ST6GALNAC3: variants seen among roughly 807,000 people sequenced by gnomAD.
ST6GALNAC3 encodes the protein ST6 N-acetylgalactosaminide alpha-2,6-sialyltransferase 3, also known as alpha-N-acetylgalactosaminide alpha-2,6-sialyltransferase 3.
A neutral mutation model predicts 32.7 loss-of-function variants in ST6GALNAC3; 25 were observed. The observed-to-expected ratio is 0.76, with a 90% CI of 0.56 to 1.07. The LOEUF is 1.07. Ranked by LOEUF, ST6GALNAC3 falls within the 50% of genes least tolerant of loss-of-function variation. The probability of loss-of-function intolerance (pLI) is 0.00; values close to 1 mark genes in which losing one functional copy is unlikely to be tolerated. For synonymous variants in ST6GALNAC3, 129 were observed against 133.1 expected, an observed-to-expected ratio of 0.97 and a Z score of 0.21; for missense variants, 355 against 382.4, an observed-to-expected ratio of 0.93 and a Z score of 0.60.
chr1:76,250,509 A>G (rs990608258), intron 1 of ST6GALNAC3, among the ~76,000 whole-genome samples: 25 of 152,318 alleles, frequency 1.6e-4, no homozygotes, highest in Non-Finnish European at 1.5e-4. Context: ...GCGTTAATCC[A>G]TGGAAAGTAA....
intron 2 of ST6GALNAC3, among the ~76,000 whole-genome samples, chr1:76,375,729 C>A (rs1651170852): frequency 6.6e-6 from 1 of 152,096 alleles, no homozygotes; most frequent in Non-Finnish European, 1.5e-5. Context: ...AATCAAATGT[C>A]TATTTTTTGT....
intron 1 of ST6GALNAC3, among the ~76,000 whole-genome samples, chr1:76,214,786 A>C (rs1399223977): frequency 6.6e-6 from 1 of 152,204 alleles, no homozygotes; most frequent in Non-Finnish European, 1.5e-5. Context: ...CATTGAAGAA[A>C]TGGTTACTGG....
chr1:76,426,146 C>G (rs1357561598), intron 3 of ST6GALNAC3, among the ~76,000 whole-genome samples: 3 of 151,782 alleles, frequency 2.0e-5, no homozygotes, highest in East Asian at 3.9e-4. Flanking sequence ...CTCCCACCCC[C>G]AACTCTCCCT....
At chr1:76,491,389 C>T (rs1449869379) in intron 3 of ST6GALNAC3, among the ~76,000 whole-genome samples, 1 of 152,110 alleles carries the variant, frequency 6.6e-6, no homozygotes, top group Non-Finnish European at 1.5e-5. Context: ...AAACTTTCAG[C>T]AGCACAGTTC....
chr1:76,181,683 C>T (rs1477539533), intron 1 of ST6GALNAC3, among the ~76,000 whole-genome samples: 4 of 152,164 alleles, frequency 2.6e-5, no homozygotes, highest in Admixed American at 2.0e-4. Context: ...TTGTGAAGAA[C>T]ATGCATGCAA....
chr1:76,185,922 G>A (rs1653525501), intron 1 of ST6GALNAC3, among the ~76,000 whole-genome samples: 1 of 152,150 alleles, frequency 6.6e-6, no homozygotes, highest in Non-Finnish European at 1.5e-5. Context: ...TATCGTGTTA[G>A]GTATTATAAG....
chr1:76,127,064 T>C (rs1057136704), intron 1 of ST6GALNAC3, among the ~76,000 whole-genome samples: 1 of 152,174 alleles, frequency 6.6e-6, no homozygotes, highest in Non-Finnish European at 1.5e-5. Context: ...AAGGGAAGTT[T>C]TGAGGTAGTT....
intron 3 of ST6GALNAC3, among the ~76,000 whole-genome samples, chr1:76,454,743 C>G (rs145970478): frequency 6.6e-5 from 10 of 152,212 alleles, no homozygotes; most frequent in African/African-American, 2.4e-4. Context: ...ACTTTAGATA[C>G]CCTGATGACT....
chr1:76,137,494 T>C (rs1650017675), intron 1 of ST6GALNAC3, among the ~76,000 whole-genome samples: 1 of 152,160 alleles, frequency 6.6e-6, no homozygotes, highest in South Asian at 2.1e-4. Flanking sequence ...AGAGATGGGA[T>C]AGAAACAAAT....
At chr1:76,109,810 G>A (rs1318595414) in intron 1 of ST6GALNAC3, among the ~76,000 whole-genome samples, 1 of 152,226 alleles carries the variant, frequency 6.6e-6, no homozygotes, top group Non-Finnish European at 1.5e-5. Flanking sequence ...GATGAAGAAG[G>A]CTAAGCAATG....
rs984498822 is a variant in ST6GALNAC3, at chr1:76,265,047, C to T, written c.19-48758C>T. ...TGAAGCAAGTTAACTGTTTCAGGAA[C>T]ATCAAGAGACCTTTACCACATCACA... On this transcript the variant is annotated intron_variant, in intron 1 of 4. Transcript: ENST00000328299. Among the ~76,000 whole-genome samples, 3 of 152,128 alleles carry T rather than the reference C, an allele frequency of 2.0e-5. No individual in the cohort carries two copies. In the South Asian group the frequency reaches 6.2e-4, roughly 32 times the overall value.
intron 3 of ST6GALNAC3, among the ~76,000 whole-genome samples, chr1:76,499,804 A>G (rs1342781373): frequency 6.6e-6 from 1 of 152,336 alleles, no homozygotes; most frequent in Admixed American, 6.5e-5. Context: ...AATCTATTCC[A>G]TGGATGTACT....
chr1:76,091,700 C>T (rs1557605510), intron 1 of ST6GALNAC3, among the ~76,000 whole-genome samples: 1 of 152,152 alleles, frequency 6.6e-6, no homozygotes, highest in Non-Finnish European at 1.5e-5. Context: ...CATTGTGTTA[C>T]AGTTATTATA....
At chr1:76,437,744 A>AT (rs1656254611) in intron 3 of ST6GALNAC3, among the ~76,000 whole-genome samples, 2 of 151,440 alleles carry the variant, frequency 1.3e-5, no homozygotes, top group Admixed American at 1.3e-4. Context: ...CGCCCAGCTA[A>AT]TTTTTTTATT....
chr1:76,636,609 T>C (rs1274915501), downstream of ST6GALNAC3, among the ~76,000 whole-genome samples: 1 of 152,194 alleles, frequency 6.6e-6, no homozygotes, highest in African/African-American at 2.4e-5. Flanking sequence ...GGACCTTATA[T>C]GCATTCTCTC....
At chr1:76,326,784 T>C (rs942160094) in intron 2 of ST6GALNAC3, among the ~76,000 whole-genome samples, 6 of 151,618 alleles carry the variant, frequency 4.0e-5, no homozygotes, top group African/African-American at 1.5e-4. Context: ...CTGCATTTGG[T>C]TGCTATACTG....
chr1:76,156,434 C>T (rs1382340764), intron 1 of ST6GALNAC3, among the ~76,000 whole-genome samples: 1 of 152,122 alleles, frequency 6.6e-6, no homozygotes, highest in African/African-American at 2.4e-5. Context: ...TTTCTCTCTT[C>T]TTCCCCATTT....
chr1:76,277,698 A>G (rs2100775836), intron 1 of ST6GALNAC3, among the ~76,000 whole-genome samples: 1 of 151,716 alleles, frequency 6.6e-6, no homozygotes, highest in African/African-American at 2.4e-5. Context: ...CTTAACGTGA[A>G]GGAGGAGTCT....
At chr1:76,237,807 T>C (rs1232361794) in intron 1 of ST6GALNAC3, among the ~76,000 whole-genome samples, 1 of 152,142 alleles carries the variant, frequency 6.6e-6, no homozygotes, top group Non-Finnish European at 1.5e-5. Context: ...ACACCTATCA[T>C]GTGCAAAAAA....
Sources: gnomAD v4.1 joint callset for allele counts (sites outside exome capture counted in the v4.1 genomes callset) on GRCh38, gnomAD v4.1.1 for gene constraint, MANE v1.5 for transcripts, NCBI Gene and HGNC (gene_info 2026-07-23, HGNC 2026-07-21) for gene names.